Variants in MIPEP observed in about 807,000 individuals in gnomAD.
MIPEP encodes mitochondrial intermediate peptidase.
MIPEP carries 79 observed loss-of-function variants against 90.3 expected under a neutral mutation model. That is an observed-to-expected ratio of 0.87 (90% CI 0.73 to 1.05). The LOEUF (loss-of-function observed/expected upper bound fraction) is 1.05. MIPEP is among the 50% of genes least tolerant of loss of function. The pLI is 0.00. For synonymous variants in MIPEP, 334 were observed against 315.8 expected (o/e 1.06, Z -0.61); for missense variants, 940 against 905.6 (o/e 1.04, Z -0.49).
intron 10 of MIPEP, among the ~76,000 whole-genome samples, chr13:23,854,345 T>C (rs1300982789): frequency 1.3e-5 from 2 of 152,078 alleles, no homozygotes; most frequent in Non-Finnish European, 2.9e-5. Context: ...TTTGTTTATT[T>C]TGAAAGTTTT....
chr13:23,798,933 A>C (rs1370090512), intron 16 of MIPEP, among the ~76,000 whole-genome samples: 2 of 151,598 alleles, frequency 1.3e-5, no homozygotes, highest in Non-Finnish European at 2.9e-5. Flanking sequence ...TAGCAACGTG[A>C]GAATGGATTA....
At chr13:23,736,768 G>A (rs529610063) in intron 18 of MIPEP, among the ~76,000 whole-genome samples, 4 of 152,174 alleles carry the variant, frequency 2.6e-5, no homozygotes, top group South Asian at 4.2e-4. Flanking sequence ...CCAGAACCAC[G>A]GTGGCTGTTT....
At chr13:23,783,659 T>C (rs896177322) in intron 16 of MIPEP, among the ~76,000 whole-genome samples, 3 of 152,196 alleles carry the variant, frequency 2.0e-5, no homozygotes, top group Admixed American at 6.5e-5. Context: ...GGAAGTCAAA[T>C]AGTCCCTGTT....
At chr13:23,740,039 T>C (rs1252743224) in intron 18 of MIPEP, among the ~76,000 whole-genome samples, 1 of 152,134 alleles carries the variant, frequency 6.6e-6, no homozygotes, top group Admixed American at 6.5e-5. Flanking sequence ...TTTAGAGCAG[T>C]GGTTTAGAGG....
At chr13:23,865,827 C>T (rs1428177268) in intron 7 of MIPEP, among the ~76,000 whole-genome samples, 1 of 151,944 alleles carries the variant, frequency 6.6e-6, no homozygotes, top group Non-Finnish European at 1.5e-5. Flanking sequence ...CCCGCCACCG[C>T]GCCCAATTAA....
chr13:23,887,785 A>T (rs777154748), intron 1 of MIPEP, among the ~76,000 whole-genome samples: 40 of 152,266 alleles, frequency 2.6e-4, no homozygotes, highest in Non-Finnish European at 5.0e-4. Flanking sequence ...CTGTTTCTAC[A>T]AGAAGGGATG....
intron 18 of MIPEP, among the ~76,000 whole-genome samples, chr13:23,732,024 CCTGGACA>C (rs373085742): frequency 2.9e-5 from 4 of 138,230 alleles, no homozygotes; most frequent in African/African-American, 1.1e-4. Context: ...GTTGTCCAGG[CCTGGACA>C]ACACAGCATG....
At chr13:23,813,912 A>C (rs1401501782) in intron 14 of MIPEP, among the ~76,000 whole-genome samples, 1 of 152,218 alleles carries the variant, frequency 6.6e-6, no homozygotes, top group Non-Finnish European at 1.5e-5. Flanking sequence ...TGTCTCCTAA[A>C]CACAAGACTC....
intron 16 of MIPEP, among the ~76,000 whole-genome samples, chr13:23,788,756 C>G (rs968252983): frequency 6.6e-6 from 1 of 152,144 alleles, no homozygotes; most frequent in Admixed American, 6.6e-5. Context: ...ATCAGTTCAC[C>G]AAGCTTTATT....
intron 18 of MIPEP, among the ~76,000 whole-genome samples, chr13:23,735,547 T>A (rs931130105): frequency 3.3e-5 from 5 of 152,166 alleles, no homozygotes; most frequent in Admixed American, 1.3e-4. Flanking sequence ...AATATGACCT[T>A]GCTCTCTCCT....
intron 8 of MIPEP, among the ~76,000 whole-genome samples, chr13:23,863,939 G>A (rs569814553): frequency 6.6e-6 from 1 of 152,272 alleles, no homozygotes; most frequent in South Asian, 2.1e-4. Context: ...TTTAATGAAA[G>A]GGGACAGCTT....
rs539147713 is a variant in MIPEP at position 23,889,133 on chromosome 13, C to A, written c.188G>T (p.Arg63Leu). The A allele has an allele frequency of 7.1e-6, 10 of 1,418,100 alleles. No homozygotes were observed. Among genetic ancestry groups the A allele is most frequent in the Non-Finnish European group, 7.3e-6 (8 of 1,088,784 alleles). 87.8% of individuals were successfully genotyped at this position (1,418,100 alleles called of 1,614,324 possible). ...GGGAGCTCCTCCTGCGCCGCTCACC[C>A]GGCGCTCGCCGAACAGGTCCAAGCG... ...GSRLDLFGERRGLFGVPELSA... is the reference protein window; with the variant it reads ...GSRLDLFGERLGLFGVPELSA... The change falls in exon 1 of 19, where the codon CGG becomes CTG. Residue 63 changes from arginine (R) to leucine (L), a missense_variant and splice_region_variant. Physicochemically the swap from Arg to Leu is moderately radical, Grantham distance 102. Coordinates refer to ENST00000382172, the MANE Select transcript of MIPEP (RefSeq NM_005932.4).
In MIPEP at chr13:23,874,907, C is replaced by A. The variant is rs201343071; in HGVS notation, c.542G>T (p.Arg181Leu). The change falls in exon 5 of 19, where the codon CGA becomes CTA. Residue 181 changes from arginine (R) to leucine (L), a missense_variant and splice_region_variant. Transcript: ENST00000382172. The part of the protein sequence containing the change: ...LVDSLDPETR[R>L]VAELFMFDFE... ...ATCAAACATAAACAGTTCAGCCACT[C>A]GCCTATAAATGAAATGAGCCCCAGG... 2 of 1,598,348 alleles carry A rather than the reference C, an allele frequency of 1.3e-6. No individual in the cohort carries two copies. The highest frequency in any genetic ancestry group is 1.7e-6 in the Non-Finnish European group (2 of 1,175,152).
chr13:23,791,983 A>C (rs939699507), intron 16 of MIPEP, among the ~76,000 whole-genome samples: 35 of 152,220 alleles, frequency 2.3e-4, no homozygotes, highest in African/African-American at 8.2e-4. Flanking sequence ...ATTTGATACA[A>C]TCACTCACTC....
chr13:23,757,432 C>T (rs1952500046), intron 17 of MIPEP, among the ~76,000 whole-genome samples: 1 of 152,072 alleles, frequency 6.6e-6, no homozygotes, highest in Admixed American at 6.5e-5. Context: ...ACTCCTGTTA[C>T]AGAATAAGTA....
At chr13:23,825,739 A>C (rs1036539471) in intron 14 of MIPEP, among the ~76,000 whole-genome samples, 4 of 152,178 alleles carry the variant, frequency 2.6e-5, no homozygotes, top group African/African-American at 9.7e-5. Flanking sequence ...TGATCTTTGG[A>C]AAATTACCTA....
At chr13:23,788,552 T>A (rs1952871022) in intron 16 of MIPEP, among the ~76,000 whole-genome samples, 1 of 152,174 alleles carries the variant, frequency 6.6e-6, no homozygotes, top group Admixed American at 6.5e-5. Context: ...TGCTCACATT[T>A]CTTTGGTCAT....
At chr13:23,825,174 C>T (rs531756925) in intron 14 of MIPEP, among the ~76,000 whole-genome samples, 16 of 152,238 alleles carry the variant, frequency 1.1e-4, no homozygotes, top group Admixed American at 5.2e-4. Flanking sequence ...GTGGTGGGGC[C>T]GGGCTCAGAT....
intron 16 of MIPEP, among the ~76,000 whole-genome samples, chr13:23,779,471 G>T (rs184704773): frequency 1.3e-5 from 2 of 152,054 alleles, no homozygotes; most frequent in East Asian, 1.9e-4. Context: ...AGGTGTATGG[G>T]GGGGGCAGTT....
Sources: gnomAD v4.1 joint callset for allele counts (sites outside exome capture counted in the v4.1 genomes callset) on GRCh38, gnomAD v4.1.1 for gene constraint, MANE v1.5 for transcripts, NCBI Gene and HGNC (gene_info 2026-07-23, HGNC 2026-07-21) for gene names.